GTPBP10: variants seen among roughly 807,000 people sequenced by gnomAD.
GTPBP10 encodes GTP-binding protein 10.
GTPBP10 carries 38 observed loss-of-function variants against 44.8 expected under a neutral mutation model. The ratio of observed to expected loss-of-function variants is 0.85; its 90% CI spans 0.65 to 1.11. GTPBP10 has a LOEUF of 1.11. GTPBP10 is among the 50% of genes most tolerant of loss of function. GTPBP10 has a pLI of 0.00. For missense variants in GTPBP10, 462 were observed against 453.7 expected (o/e 1.02, Z -0.17); for synonymous variants, 152 against 150.6 (o/e 1.01, Z -0.07).
intron 4 of GTPBP10, among the ~76,000 whole-genome samples, chr7:90,370,654 A>G (rs1156546101): frequency 6.6e-6 from 1 of 152,156 alleles, no homozygotes; most frequent in Non-Finnish European, 1.5e-5. Context: ...CAATGTATCC[A>G]TGTAACAACA....
rs112907859 is a variant in GTPBP10, at chr7:90,371,310, T to G, written c.465-845T>G. The G allele has an allele frequency of 4.5e-4, 105 of 232,940 alleles. 1 individual carries two copies. Among genetic ancestry groups the G allele is most frequent in the African/African-American group, 2.3e-3 (100 of 42,942 alleles). The allele number at this position is 232,940 out of a possible 1,614,324, so 14.4% of individuals were successfully genotyped here. On this transcript the variant is annotated intron_variant, in intron 4 of 9. Coordinates refer to ENST00000222511, the MANE Select transcript of GTPBP10 (RefSeq NM_033107.4). ...TCAATAGGAAATTAGTTAAGTAAAT[T>G]ACACTTCACCATTGAAAAGTGTTCA...
At chr7:90,367,818 C>A (rs953874325) in intron 4 of GTPBP10, among the ~76,000 whole-genome samples, 2 of 152,088 alleles carry the variant, frequency 1.3e-5, no homozygotes, top group African/African-American at 4.8e-5. Flanking sequence ...TTTGATCCTG[C>A]CATTATGACG....
chr7:90,355,042 A>C lies in GTPBP10; in HGVS notation c.320-44A>C, dbSNP rs772040068. 15 of 1,276,214 alleles carry C rather than the reference A, an allele frequency of 1.2e-5. 1 individual carries two copies. Among genetic ancestry groups the C allele is most frequent in the Non-Finnish European group, 1.5e-5 (14 of 920,894 alleles). 79.1% of individuals were successfully genotyped at this position (1,276,214 alleles called of 1,614,324 possible). A position where few individuals can be genotyped will look rare whatever the true frequency, so the allele number is the denominator to read the frequency against. On this transcript the variant is annotated intron_variant, in intron 3 of 9. Transcript: ENST00000222511. ...AGAAATATATTGCATTAGTGATTTC[A>C]CTTATTAATCTTTGCTGTAAGTATT...
intron 5 of GTPBP10, among the ~76,000 whole-genome samples, chr7:90,372,777 T>C (rs1204160181): frequency 6.6e-6 from 1 of 152,166 alleles, no homozygotes; most frequent in Non-Finnish European, 1.5e-5. Context: ...CTGTGATAAG[T>C]ACCAGGAAGG....
rs1019693822 is a variant in GTPBP10 at position 90,390,636 on chromosome 7, A to G, written c.*5482A>G. The G allele has an allele frequency of 3.3e-5, 5 of 152,220 alleles. No homozygotes were observed. The highest frequency in any genetic ancestry group is 1.2e-4 in the African/African-American group (5 of 41,462). 9.4% of individuals were successfully genotyped at this position (152,220 alleles called of 1,614,324 possible). A position where few individuals can be genotyped will look rare whatever the true frequency, so the allele number is the denominator to read the frequency against. On this transcript the variant is annotated 3_prime_UTR_variant, in exon 10 of 10. Coordinates refer to ENST00000222511, the MANE Select transcript of GTPBP10 (RefSeq NM_033107.4). ...GTTATAATTAATTTGCGAGCAATATATGGCATGATAGTATTTTCTTATCTA... is the reference window on the plus strand; with the variant it reads ...GTTATAATTAATTTGCGAGCAATATGTGGCATGATAGTATTTTCTTATCTA...
chr7:90,355,094 A>G lies in GTPBP10; in HGVS notation c.328A>G (p.Asn110Asp), dbSNP rs1245056098. ...CTCTCCCTCTTTTTAAGGAGAACTC[A>G]ATAAAGAAAATGACAGAATTTTGGT... ...DENGKIIGEL[N>D]KENDRILVAQ... Residue 110 changes from asparagine (N) to aspartate (D), a missense_variant, in exon 4 of 10, where the codon AAT becomes GAT. Physicochemically the swap from Asn to Asp is conservative, Grantham distance 23. Transcript: ENST00000222511. The G allele has an allele frequency of 3.2e-6, 5 of 1,574,728 alleles. No homozygotes were observed. Among genetic ancestry groups the G allele is most frequent in the Admixed American group, 3.4e-5 (2 of 57,984 alleles).
At chr7:90,354,773 G>A (rs1426131884) in intron 3 of GTPBP10, among the ~76,000 whole-genome samples, 3 of 151,954 alleles carry the variant, frequency 2.0e-5, no homozygotes, top group Admixed American at 6.6e-5. Flanking sequence ...ATATAACTAG[G>A]CTCTTTTCAA....
At position 90,377,601 on chromosome 7, in the gene GTPBP10, AACT is replaced by A. The variant is rs761632159; in HGVS notation, c.690_692del (p.Leu231del). 1 of 1,602,904 alleles carries A rather than the reference AACT, an allele frequency of 6.2e-7. No individual in the cohort carries two copies. The highest frequency in any genetic ancestry group is 1.1e-5 in the South Asian group (1 of 89,588). On this transcript the variant is annotated inframe_deletion, in exon 7 of 10. Coordinates refer to ENST00000222511, the MANE Select transcript of GTPBP10 (RefSeq NM_033107.4). ...CTCAAGCATATAGAAAGAACTAGAC[AACT>A]ACTTTTTGTTGTAAGTCATATGTAT... is the stretch of plus-strand genomic sequence containing the variant.
chr7:90,381,337 T>G (rs1796432541), intron 8 of GTPBP10, among the ~76,000 whole-genome samples: 1 of 152,228 alleles, frequency 6.6e-6, no homozygotes, highest in African/African-American at 2.4e-5. Context: ...CTTCCAAGTG[T>G]GAGGAGCTAT....
At chr7:90,374,226 T>C in intron 5 of GTPBP10, 76 bp from the exon 6 acceptor site, 1 of 953,672 alleles carries the variant, frequency 1.0e-6, no homozygotes, top group Non-Finnish European at 1.7e-6. Flanking sequence ...TGTTTATGCA[T>C]AATACCAAGA....
At chr7:90,362,277 T>C (rs1244080861) in intron 4 of GTPBP10, among the ~76,000 whole-genome samples, 1 of 152,226 alleles carries the variant, frequency 6.6e-6, no homozygotes, top group Non-Finnish European at 1.5e-5. Flanking sequence ...TTTAGTGCTA[T>C]AAATTTCCCT....
Position 90,386,272 on chromosome 7 carries a change from A to G in GTPBP10, c.*1118A>G, listed in dbSNP as rs1286773066. 1 of 152,152 alleles carries G rather than the reference A, an allele frequency of 6.6e-6. No individual in the cohort carries two copies. The highest frequency in any genetic ancestry group is 1.5e-5 in the Non-Finnish European group (1 of 68,024). 9.4% of individuals were successfully genotyped at this position (152,152 alleles called of 1,614,324 possible). A position where few individuals can be genotyped will look rare whatever the true frequency, so the allele number is the denominator to read the frequency against. ...TGTACCTGGTTGCACTAAATATATA[A>G]TAGTTATCTTTTGTGGAGACCTTAA... On this transcript the variant is annotated 3_prime_UTR_variant, in exon 10 of 10. Coordinates refer to ENST00000222511, the MANE Select transcript of GTPBP10 (RefSeq NM_033107.4).
chr7:90,348,741 C>T (rs76889396), intron 1 of GTPBP10, among the ~76,000 whole-genome samples: 1 of 144,544 alleles, frequency 6.9e-6, no homozygotes, highest in African/African-American at 2.6e-5. Context: ...CTCTTTCCCC[C>T]AAAAAAATGT....
chr7:90,369,581 C>G (rs181173133), intron 4 of GTPBP10, among the ~76,000 whole-genome samples: 212 of 152,312 alleles, frequency 1.4e-3, no homozygotes, highest in African/African-American at 4.4e-3. Context: ...CAGACTGCTG[C>G]GCTAGCAGTG....
intron 4 of GTPBP10, among the ~76,000 whole-genome samples, chr7:90,355,880 TG>T (rs1482496450): frequency 1.3e-5 from 2 of 152,180 alleles, no homozygotes; most frequent in Non-Finnish European, 2.9e-5. Flanking sequence ...AGCTGCCCAC[TG>T]GAAGGGGATA....
chr7:90,363,633 G>C (rs896548502), intron 4 of GTPBP10, among the ~76,000 whole-genome samples: 6 of 152,222 alleles, frequency 3.9e-5, no homozygotes, highest in Admixed American at 1.3e-4. Context: ...TCTTTTTGAA[G>C]AATACCTTTG....
chr7:90,364,066 T>C (rs1447382563), intron 4 of GTPBP10, among the ~76,000 whole-genome samples: 2 of 152,216 alleles, frequency 1.3e-5, no homozygotes, highest in East Asian at 3.9e-4. Flanking sequence ...TTAGCTTCTT[T>C]GTGATGGGTT....
chr7:90,384,746 G>A lies in GTPBP10; in HGVS notation c.902-146G>A, dbSNP rs561943567. Reference sequence around the variant, plus strand: ...ACCATAATCAATGGTAAAATCCAAAGGCTCTGAGAACTTATTAGAAAAGGT... The same window carrying A: ...ACCATAATCAATGGTAAAATCCAAAAGCTCTGAGAACTTATTAGAAAAGGT... On this transcript the variant is annotated intron_variant, in intron 9 of 9. Transcript: ENST00000222511. 9 of 646,588 alleles carry A rather than the reference G, an allele frequency of 1.4e-5. No individual in the cohort carries two copies. The East Asian group carries it at 2.3e-4, about 16-fold the overall frequency. The allele number at this position is 646,588 out of a possible 1,614,324, so 40.1% of individuals were successfully genotyped here.
chr7:90,354,398 G>A (rs1472497515), intron 2 of GTPBP10, 60 bp from the exon 3 acceptor site: 4 of 600,438 alleles, frequency 6.7e-6, no homozygotes, highest in Middle Eastern at 4.2e-4. Flanking sequence ...TTGTGTGTAT[G>A]TGTGTGTGTG....
Sources: gnomAD v4.1 joint callset for allele counts (sites outside exome capture counted in the v4.1 genomes callset) on GRCh38, gnomAD v4.1.1 for gene constraint, MANE v1.5 for transcripts, NCBI Gene and HGNC (gene_info 2026-07-23, HGNC 2026-07-21) for gene names.